Variants in KIF25 observed in about 807,000 individuals in gnomAD.
KIF25 encodes kinesin-like protein KIF25.
In KIF25, 19 loss-of-function variants were observed where a neutral mutation model predicts 32.9. The observed-to-expected ratio is 0.58, with a 90% CI of 0.40 to 0.85. The LOEUF is 0.85. KIF25 is among the 40% of genes least tolerant of loss of function. The pLI, the probability that KIF25 is intolerant of heterozygous loss-of-function variation, is 0.00. For missense variants in KIF25, 485 were observed against 507.0 expected, an observed-to-expected ratio of 0.96 and a Z score of 0.42; for synonymous variants, 225 against 213.7, an observed-to-expected ratio of 1.05 and a Z score of -0.46.
intron 8 of KIF25, among the ~76,000 whole-genome samples, chr6:168,037,329 C>T (rs1799038553): frequency 6.6e-6 from 1 of 152,204 alleles, no homozygotes; most frequent in Non-Finnish European, 1.5e-5. Flanking sequence ...CCTGGCAGCG[C>T]CTGGGTGGGA....
At chr6:168,035,463 G>GGC (rs1799007302) in intron 8 of KIF25, among the ~76,000 whole-genome samples, 1 of 141,100 alleles carries the variant, frequency 7.1e-6, no homozygotes, top group African/African-American at 2.6e-5. Flanking sequence ...CGGCGCTGCG[G>GGC]GGGGGGCGGG....
chr6:168,007,246 A>G (rs1798591860), intron 4 of KIF25, among the ~76,000 whole-genome samples: 1 of 152,138 alleles, frequency 6.6e-6, no homozygotes, highest in Non-Finnish European at 1.5e-5. Flanking sequence ...CCCTGTCTCT[A>G]CTAAAAATAC....
chr6:168,010,319 T>A (rs1798631844), intron 4 of KIF25, among the ~76,000 whole-genome samples: 2 of 152,158 alleles, frequency 1.3e-5, no homozygotes, highest in Non-Finnish European at 2.9e-5. Flanking sequence ...TTTGGTATGA[T>A]ATATTTCTAT....
chr6:168,000,099 C>G (rs1336041070), intron 2 of KIF25, among the ~76,000 whole-genome samples: 1 of 116,014 alleles, frequency 8.6e-6, no homozygotes, highest in Non-Finnish European at 1.8e-5. Flanking sequence ...CTGACCACAC[C>G]TGACCCTCCC....
intron 5 of KIF25, among the ~76,000 whole-genome samples, chr6:168,027,977 C>A (rs1462608944): frequency 6.6e-6 from 1 of 152,078 alleles, no homozygotes; most frequent in Non-Finnish European, 1.5e-5. Flanking sequence ...TTGAGCCACA[C>A]GAACATGTTT....
In KIF25 at chr6:168,038,626, TTTGACC is replaced by T; in HGVS notation, c.394_399del (p.Asp132_Leu133del). 1 of 1,614,184 alleles carries T rather than the reference TTTGACC, an allele frequency of 6.2e-7. No homozygotes were observed. Among genetic ancestry groups the T allele is most frequent in the Non-Finnish European group, 8.5e-7 (1 of 1,180,034 alleles). ...AGTGGAAGTTTACAATAATGACATTTTTGACCTTCTGGCCAAAGACAGCATTGCAGC... is the reference window on the plus strand; with the variant it reads ...AGTGGAAGTTTACAATAATGACATTTTTCTGGCCAAAGACAGCATTGCAGC... On this transcript the variant is annotated inframe_deletion, in exon 9 of 13. Coordinates refer to ENST00000643607, the MANE Select transcript of KIF25 (RefSeq NM_030615.4).
At chr6:168,009,213 G>A (rs1306832521) in intron 4 of KIF25, among the ~76,000 whole-genome samples, 1 of 151,800 alleles carries the variant, frequency 6.6e-6, no homozygotes, top group Admixed American at 6.6e-5. Flanking sequence ...GTTATATATT[G>A]TCTTTATTAT....
chr6:168,019,900 C>T (rs1018062230), intron 5 of KIF25, among the ~76,000 whole-genome samples: 6 of 152,134 alleles, frequency 3.9e-5, no homozygotes, highest in Admixed American at 3.3e-4. Flanking sequence ...TTTGGGAGGC[C>T]AAGGCGGGTG....
intron 5 of KIF25, 58 bp from the exon 6 acceptor site, chr6:168,029,434 C>A: frequency 2.5e-6 from 3 of 1,201,750 alleles, no homozygotes; most frequent in South Asian, 1.7e-5. Context: ...AACTAACATT[C>A]ATGTTAAGGC....
chr6:168,018,404 T>C (rs940794724), intron 5 of KIF25, among the ~76,000 whole-genome samples: 2 of 152,216 alleles, frequency 1.3e-5, no homozygotes, highest in African/African-American at 4.8e-5. Context: ...TAGGCTGAGC[T>C]ACAATGCTTG....
chr6:168,026,515 T>C (rs2114893421), intron 5 of KIF25, among the ~76,000 whole-genome samples: 1 of 152,250 alleles, frequency 6.6e-6, no homozygotes, highest in Middle Eastern at 3.4e-3. Flanking sequence ...AATCAGAACA[T>C]TGTTGGTTTT....
intron 4 of KIF25, among the ~76,000 whole-genome samples, chr6:168,011,920 A>G (rs7740438): frequency 0.34 from 51,518 of 151,890 alleles, 9,090 homozygotes; most frequent in South Asian, 0.43. Flanking sequence ...CCTGTCTTCA[A>G]GTTTAGAATT....
intron 2 of KIF25, among the ~76,000 whole-genome samples, chr6:168,001,852 A>G (rs368086328): frequency 3.9e-4 from 19 of 48,242 alleles, no homozygotes; most frequent in African/African-American, 1.3e-3. Flanking sequence ...CTTCAGGCGT[A>G]GCCTCGGGCA....
chr6:168,044,934 C>G lies in KIF25; in HGVS notation c.1093C>G (p.Arg365Gly). ...CGGGATCCGAGCTCGGCAAGTCCAG[C>G]GAGGCCCTGCCCGAAAGAAGCCGCC... ...GFGIRARQVQ[R>G]GPARKKPPSS... is the part of the protein sequence containing the mutation. Residue 365 changes from arginine to glycine, a missense_variant, in exon 13 of 13, where the codon CGA (arginine) becomes GGA (glycine). By Grantham distance (125) the Arg-to-Gly change is moderately radical. Around this residue, in one of 2 missense-constraint regions of KIF25, gnomAD observed 480 missense variants for 470.3 expected, o/e 1.02. Transcript: ENST00000643607. The G allele has an allele frequency of 1.2e-6, 2 of 1,612,136 alleles. No individual in the cohort carries two copies. The highest frequency in any genetic ancestry group is 1.3e-5 in the African/African-American group (1 of 75,038).
chr6:168,011,353 A>G (rs529067217), intron 4 of KIF25, among the ~76,000 whole-genome samples: 4 of 152,218 alleles, frequency 2.6e-5, no homozygotes, highest in African/African-American at 9.6e-5. Context: ...CATGTAAGAC[A>G]CCCTTGAGTA....
intron 9 of KIF25, among the ~76,000 whole-genome samples, chr6:168,039,699 C>T (rs7759738): frequency 0.024 from 3,592 of 152,278 alleles, 160 homozygotes; most frequent in African/African-American, 0.082. Context: ...TCCACTAACA[C>T]GGAGAAATGG....
At chr6:168,016,650 C>T (rs1471496572) in intron 4 of KIF25, among the ~76,000 whole-genome samples, 1 of 152,268 alleles carries the variant, frequency 6.6e-6, no homozygotes, top group Non-Finnish European at 1.5e-5. Flanking sequence ...CTCCCTCCCT[C>T]TTAACTTTCT....
intron 1 of KIF25, 41 bp downstream of exon 1, chr6:167,998,911 G>A (rs1325232811): frequency 6.6e-6 from 1 of 152,200 alleles, no homozygotes; most frequent in African/African-American, 2.4e-5. Flanking sequence ...AATTAGCTGG[G>A]CGTGGTGGTG....
intron 5 of KIF25, among the ~76,000 whole-genome samples, chr6:168,025,419 G>A (rs1156415445): frequency 1.3e-5 from 2 of 152,068 alleles, no homozygotes; most frequent in African/African-American, 4.8e-5. Context: ...CGCGGGGCTG[G>A]GGACAAGGTC....
Sources: allele counts gnomAD v4.1 joint callset (sites outside exome capture counted in the v4.1 genomes callset), GRCh38; gene constraint gnomAD v4.1.1; regional missense constraint gnomAD v4.1.1; transcripts MANE v1.5; gene names NCBI Gene and HGNC (gene_info 2026-07-23, HGNC 2026-07-21).